WDR59: variants seen among roughly 807,000 people sequenced by gnomAD.
WDR59 encodes the protein GATOR2 complex protein WDR59.
WDR59 carries 100 observed loss-of-function variants against 131.2 expected under a neutral mutation model. The observed-to-expected ratio is 0.76, with a 90% CI of 0.65 to 0.90. The LOEUF (loss-of-function observed/expected upper bound fraction) is 0.90, where lower values mean the gene tolerates loss of function less well. Among genes scored for constraint, WDR59 ranks in the 40% least tolerant of loss-of-function variants. WDR59 has a pLI of 0.00. For synonymous variants in WDR59, 601 were observed against 466.2 expected, an observed-to-expected ratio of 1.29 and a Z score of -3.72; for missense variants, 1,203 against 1,262.2, an observed-to-expected ratio of 0.95 and a Z score of 0.71.
At chr16:74,891,795 G>T (rs375713533) in intron 20 of WDR59, among the ~76,000 whole-genome samples, 2 of 152,118 alleles carry the variant, frequency 1.3e-5, no homozygotes, top group African/African-American at 4.8e-5. Context: ...TTGGTGGCAC[G>T]CATCTATAAT....
chr16:74,892,453 C>A (rs1307595573), intron 20 of WDR59, 31 bp downstream of exon 20: 18 of 1,580,386 alleles, frequency 1.1e-5, no homozygotes, highest in Non-Finnish European at 1.4e-5. Flanking sequence ...GAAGAAAAAT[C>A]CAAATCTCCA....
chr16:74,917,831 AAT>A (rs1475982198), intron 11 of WDR59, 96 bp downstream of exon 11: 24 of 888,480 alleles, frequency 2.7e-5, no homozygotes, highest in African/African-American at 1.0e-4. Context: ...AAAAAAAAAA[AAT>A]TGTTTATCCT....
chr16:74,973,413 A>C (rs1468179083), intron 1 of WDR59, among the ~76,000 whole-genome samples: 1 of 152,144 alleles, frequency 6.6e-6, no homozygotes. Flanking sequence ...CAGCCTCCTG[A>C]GTAAATGGTA....
chr16:74,886,395 C>A lies in WDR59; in HGVS notation c.2421G>T (p.Ala807=), dbSNP rs138813730. The A allele has an allele frequency of 6.2e-7, 1 of 1,611,614 alleles. No homozygotes were observed. The highest frequency in any genetic ancestry group is 2.2e-5 in the East Asian group (1 of 44,834). Reference sequence around the variant, plus strand: ...AGGACAAGTGCTCTGCCTCTCTTCCCGCTGAAGAAAATCAAATGGGAAGGG... The same window carrying A: ...AGGACAAGTGCTCTGCCTCTCTTCCAGCTGAAGAAAATCAAATGGGAAGGG... The part of the protein sequence containing the change: ...PGLNTGGWNI[A]GREAEHLSSP... The change falls in exon 24 of 26, where the codon GCG becomes GCT. Residue 807 remains alanine (A), a splice_region_variant and synonymous_variant. Coordinates refer to ENST00000262144, the MANE Select transcript of WDR59 (RefSeq NM_030581.4).
chr16:74,948,944 GC>G (rs1567423315), intron 5 of WDR59, among the ~76,000 whole-genome samples: 8 of 152,120 alleles, frequency 5.3e-5, no homozygotes, highest in Non-Finnish European at 1.0e-4. Context: ...GTTGCAGTGA[GC>G]CAAGATCGTG....
chr16:74,894,769 T>C (rs1343156989), intron 18 of WDR59, among the ~76,000 whole-genome samples: 1 of 152,226 alleles, frequency 6.6e-6, no homozygotes. Context: ...AAGTTTTTAT[T>C]TGTTATGAAT....
At chr16:74,973,499 C>T (rs1597818229) in intron 1 of WDR59, among the ~76,000 whole-genome samples, 1 of 152,084 alleles carries the variant, frequency 6.6e-6, no homozygotes, top group Admixed American at 6.6e-5. Flanking sequence ...GTTGCCCCGG[C>T]TGGTCTCGAA....
intron 8 of WDR59, among the ~76,000 whole-genome samples, chr16:74,936,577 G>A (rs773236641): frequency 1.1e-4 from 16 of 152,072 alleles, no homozygotes; most frequent in Non-Finnish European, 2.2e-4. Flanking sequence ...TGTAATCCCA[G>A]CACTTTGGGA....
At chr16:74,981,108 G>T (rs954446501) in intron 1 of WDR59, among the ~76,000 whole-genome samples, 1 of 151,796 alleles carries the variant, frequency 6.6e-6, no homozygotes, top group South Asian at 2.1e-4. Context: ...GCTCACGCCT[G>T]TAATCCCAGC....
chr16:74,937,409 T>C (rs1027265784), intron 8 of WDR59, among the ~76,000 whole-genome samples: 4 of 152,244 alleles, frequency 2.6e-5, no homozygotes, highest in Non-Finnish European at 1.5e-5. Flanking sequence ...AATAGACTAA[T>C]TGTAAACTTT....
intron 13 of WDR59, among the ~76,000 whole-genome samples, chr16:74,915,147 A>G (rs537325807): frequency 1.3e-5 from 2 of 152,124 alleles, no homozygotes; most frequent in Non-Finnish European, 2.9e-5. Flanking sequence ...ACAGCCCAGC[A>G]CAGCACAGCA....
intron 10 of WDR59, among the ~76,000 whole-genome samples, chr16:74,920,893 G>A (rs182451390): frequency 4.0e-4 from 61 of 152,238 alleles, no homozygotes; most frequent in African/African-American, 1.3e-3. Flanking sequence ...AATGGCTATC[G>A]TAAGCATTAG....
At chr16:74,956,728 A>C in intron 2 of WDR59, 118 bp from the exon 3 acceptor site, 1 of 1,251,516 alleles carries the variant, frequency 8.0e-7, no homozygotes, top group Non-Finnish European at 1.1e-6. Context: ...AAACCCAAAC[A>C]CACATGGCAT....
Position 74,888,208 on chromosome 16 carries a change from A to G in WDR59, c.2307T>C (p.Pro769=), listed in dbSNP as rs9940422. Residue 769 remains proline (P), a synonymous_variant, in exon 22 of 26, where the codon CCT becomes CCC. Transcript: ENST00000262144. ...QGLPNPFGPF[P]NRSSNLVVSH... ...ACACCACAAGATTAGAAGAACGGTT[A>G]GGAAAAGGCCCAAAGGGGTTTGGTA... is the stretch of plus-strand genomic sequence containing the variant. 4.6e-3 allele frequency: 7,426 copies of G among 1,613,718 alleles called. 200 individuals carry two copies. In the African/African-American group the frequency reaches 0.069, roughly 15 times the overall value.
intron 1 of WDR59, among the ~76,000 whole-genome samples, chr16:74,976,879 T>C (rs2034208196): frequency 6.6e-6 from 1 of 152,046 alleles, no homozygotes; most frequent in Non-Finnish European, 1.5e-5. Flanking sequence ...TGGTGGTGTG[T>C]GCCTGCATTT....
intron 13 of WDR59, 76 bp from the exon 14 acceptor site, chr16:74,912,438 C>T (rs566350072): frequency 4.6e-5 from 67 of 1,465,344 alleles, no homozygotes; most frequent in African/African-American, 1.4e-4. Context: ...TTTAACTGAA[C>T]GCTCCATGTT....
In WDR59 at chr16:74,910,008, C is replaced by A. The variant is rs570679669; in HGVS notation, c.1390-91G>T. 14 of 1,107,368 alleles carry A rather than the reference C, an allele frequency of 1.3e-5. No individual in the cohort carries two copies. In the South Asian group the frequency reaches 2.0e-4, roughly 16 times the overall value. The allele number at this position is 1,107,368 out of a possible 1,614,324, so 68.6% of individuals were successfully genotyped here. A position where few individuals can be genotyped will look rare whatever the true frequency, so the allele number is the denominator to read the frequency against. On this transcript the variant is annotated intron_variant, in intron 14 of 25. Coordinates refer to ENST00000262144, the MANE Select transcript of WDR59 (RefSeq NM_030581.4). ...TTTGAGACAAAGTCTCTCTTTGTTG[C>A]CCAGGCTGGAGTGTAGTGGTACGAT... is the stretch of plus-strand genomic sequence containing the variant.
intron 6 of WDR59, among the ~76,000 whole-genome samples, chr16:74,943,809 A>G (rs1480728523): frequency 6.6e-6 from 1 of 152,188 alleles, no homozygotes; most frequent in Non-Finnish European, 1.5e-5. Context: ...ATGACTCAGA[A>G]TCTAACAGGA....
At chr16:74,939,713 G>C (rs1020216537) in intron 7 of WDR59, among the ~76,000 whole-genome samples, 1 of 152,180 alleles carries the variant, frequency 6.6e-6, no homozygotes, top group African/African-American at 2.4e-5. Flanking sequence ...TCCAGGCTGG[G>C]TGGAGTGGCT....
Sources: allele counts gnomAD v4.1 joint callset (sites outside exome capture counted in the v4.1 genomes callset), GRCh38; gene constraint gnomAD v4.1.1; transcripts MANE v1.5; gene names NCBI Gene and HGNC (gene_info 2026-07-23, HGNC 2026-07-21).